SPEN: variants seen among roughly 807,000 people sequenced by gnomAD.
SPEN encodes the protein msx2-interacting protein.
A neutral mutation model predicts 269.9 loss-of-function variants in SPEN; 18 were observed. The observed-to-expected ratio is 0.07, with a 90% CI of 0.05 to 0.10. SPEN has a LOEUF of 0.10. Among genes scored for constraint, SPEN ranks in the 10% least tolerant of loss-of-function variants. The probability of loss-of-function intolerance (pLI) is 1.00; values close to 1 mark genes in which losing one functional copy is unlikely to be tolerated. For missense variants in SPEN, 3,822 were observed against 4,631.2 expected, an observed-to-expected ratio of 0.83 and a Z score of 5.07; for synonymous variants, 1,726 against 1,765.7, an observed-to-expected ratio of 0.98 and a Z score of 0.56.
chr1:15,930,970 A>C lies in SPEN; in HGVS notation c.4730A>C (p.Gln1577Pro). 1 of 1,614,198 alleles carries C rather than the reference A, an allele frequency of 6.2e-7. No individual in the cohort carries two copies. Among genetic ancestry groups the C allele is most frequent in the East Asian group, 2.2e-5 (1 of 44,886 alleles). Reference protein sequence around the residue: ...EGANSTTDSIQEPVVLFHSRF... With the variant: ...EGANSTTDSIPEPVVLFHSRF... Reference sequence around the variant, plus strand: ...GCAAACAGCACAACTGATTCCATTCAAGAACCAGTAGTTCTGTTCCATAGC... The same window carrying C: ...GCAAACAGCACAACTGATTCCATTCCAGAACCAGTAGTTCTGTTCCATAGC... Residue 1577 changes from glutamine (Q) to proline (P), a missense_variant, in exon 11 of 15, where the codon CAA becomes CCA. By Grantham distance (76) the Gln-to-Pro change is moderately conservative. Around this residue, in one of 16 missense-constraint regions of SPEN, gnomAD observed 533 missense variants for 618.8 expected, o/e 0.86. Transcript: ENST00000375759. This position sits in a 1 kb window ranked among gnomAD's most constrained non-coding sequence, Gnocchi z 5.3.
At position 15,933,897 on chromosome 1, in the gene SPEN, A is replaced by T. The variant is rs115746085; in HGVS notation, c.7657A>T (p.Ser2553Cys). 3 of 1,614,012 alleles carry T rather than the reference A, an allele frequency of 1.9e-6. No individual in the cohort carries two copies. The highest frequency in any genetic ancestry group is 1.6e-4 in the Middle Eastern group (1 of 6,062). Residue 2553 changes from serine to cysteine, a missense_variant, in exon 11 of 15, where the codon AGT becomes TGT. Transcript: ENST00000375759. This position sits in a 1 kb window ranked among gnomAD's most constrained non-coding sequence, Gnocchi z 5.7. ...GTCTGCCACAAGTGTCACTTCCACA[A>T]GTGTCACCACAGCCATTGCAGAGCC... ...YVSATSVTSTSVTTAIAEPVS... is the reference protein window; with the variant it reads ...YVSATSVTSTCVTTAIAEPVS...
intron 3 of SPEN, among the ~76,000 whole-genome samples, chr1:15,882,897 T>TG (rs2070700803): frequency 6.6e-6 from 1 of 152,072 alleles, no homozygotes; most frequent in South Asian, 2.1e-4. Context: ...ACAGCCCCCC[T>TG]GGGGCTCTTG....
chr1:15,848,713 G>A lies in SPEN; in HGVS notation c.83+563G>A, dbSNP rs2148698792. On this transcript the variant is annotated intron_variant, in intron 1 of 14. Transcript: ENST00000375759. The surrounding 1 kb of genome is among the most constrained non-coding windows in gnomAD (Gnocchi z 5.1). ...CGGAGAGACCATCTAGGACCTCTCC[G>A]GAGGATTTGCAGCCTTGAAACTCAC... Among the ~76,000 whole-genome samples, 1 of 152,334 alleles carries A rather than the reference G, an allele frequency of 6.6e-6. No individual in the cohort carries two copies. Among genetic ancestry groups the A allele is most frequent in the East Asian group, 1.9e-4 (1 of 5,180 alleles).
intron 3 of SPEN, among the ~76,000 whole-genome samples, chr1:15,889,778 A>G (rs912442161): frequency 1.3e-5 from 2 of 151,962 alleles, no homozygotes; most frequent in Admixed American, 6.6e-5. Flanking sequence ...CAATGGCGCC[A>G]TCTTGGCTCA....
rs776874386 is a variant in SPEN at position 15,938,003 on chromosome 1, G to A, written c.10701G>A (p.Met3567Ile). The A allele has an allele frequency of 1.2e-5, 20 of 1,600,984 alleles. No individual in the cohort carries two copies. The highest frequency in any genetic ancestry group is 1.7e-4 in the Middle Eastern group (1 of 6,024). ...ATQLEGVARR[M>I]TVETDYCLLL... ...AGCTGGAAGGGGTTGCCCGAAGGAT[G>A]ACGGTAAGACTCTCAGGCCCAGGTG... Residue 3567 changes from methionine (M) to isoleucine (I), a missense_variant, in exon 13 of 15, where the codon ATG (methionine) becomes ATA (isoleucine). Around this residue, in one of 16 missense-constraint regions of SPEN, gnomAD observed 103 missense variants for 215.8 expected, o/e 0.48. Coordinates refer to ENST00000375759, the MANE Select transcript of SPEN (RefSeq NM_015001.3).
At position 15,928,095 on chromosome 1, in the gene SPEN, G is replaced by A; in HGVS notation, c.1855G>A (p.Glu619Lys). The A allele has an allele frequency of 6.3e-7, 1 of 1,589,892 alleles. No homozygotes were observed. Among genetic ancestry groups the A allele is most frequent in the Non-Finnish European group, 8.6e-7 (1 of 1,165,024 alleles). ...ATCTTTGTTATTTTTTGGCAGAGAG[G>A]AACGAAGGGCATCCTACGACTATAA... ...FYEMLAERRE[E>K]RRASYDYNQD... The change falls in exon 11 of 15, where the codon GAA becomes AAA. Residue 619 changes from glutamate to lysine, a missense_variant. Glu to Lys is a moderately conservative substitution (Grantham distance 56, BLOSUM62 1). Around this residue, in one of 16 missense-constraint regions of SPEN, gnomAD observed 230 missense variants for 426.1 expected, o/e 0.54. Transcript: ENST00000375759. This position sits in a 1 kb window ranked among gnomAD's most constrained non-coding sequence, Gnocchi z 5.7.
intron 3 of SPEN, among the ~76,000 whole-genome samples, chr1:15,881,455 A>C (rs1409055452): frequency 6.6e-6 from 1 of 152,224 alleles, no homozygotes. Context: ...GAATCAGATT[A>C]TCCTGATGTG....
intron 3 of SPEN, 53 bp downstream of exon 3, chr1:15,876,731 C>T: frequency 1.5e-6 from 2 of 1,313,716 alleles, no homozygotes; most frequent in Admixed American, 3.7e-5. Flanking sequence ...AACAAATTCT[C>T]AACAATCAGT....
intron 3 of SPEN, among the ~76,000 whole-genome samples, chr1:15,908,142 T>A (rs1450036586): frequency 6.6e-6 from 1 of 152,142 alleles, no homozygotes; most frequent in African/African-American, 2.4e-5. Context: ...GGTATTGTTT[T>A]CCTAAAAATT....
rs1187887188 is a variant in SPEN at position 15,901,327 on chromosome 1, TA to T, written c.882-7987del. The stretch of plus-strand genomic sequence containing the variant: ...AGAGACTCTGTCTGGTAAAAAAAAA[TA>T]AAAAAATAAAAAATAAAAATAAAAA... On this transcript the variant is annotated intron_variant, in intron 3 of 14. Transcript: ENST00000375759. Among the ~76,000 whole-genome samples the T allele has an allele frequency of 2.8e-5, 4 of 143,736 alleles. No individual in the cohort carries two copies. In the East Asian group the frequency reaches 8.2e-4, roughly 29 times the overall value. 94.3% of individuals were successfully genotyped at this position (143,736 alleles called of 152,430 possible).
Position 15,859,905 on chromosome 1 carries a change from C to CTTTTTTTTTTTTTTTTT in SPEN, c.83+11763_83+11779dup, listed in dbSNP as rs34195453. Reference sequence around the variant, plus strand: ...AGTATAAAGAATGATCAGTTAACATCTTTTTTTTTTTTTTTTTTTTTTTTG... The same window carrying CTTTTTTTTTTTTTTTTT: ...AGTATAAAGAATGATCAGTTAACATCTTTTTTTTTTTTTTTTTTTTTTTTTTTTTTTTTTTTTTTTTG... On this transcript the variant is annotated intron_variant, in intron 1 of 14. Transcript: ENST00000375759. Among the ~76,000 whole-genome samples the CTTTTTTTTTTTTTTTTT allele has an allele frequency of 1.0e-4, 8 of 79,620 alleles. 3 individuals carry two copies. The highest frequency in any genetic ancestry group is 1.3e-4 in the Non-Finnish European group (6 of 46,536). The allele number at this position is 79,620 out of a possible 152,430, so 52.2% of individuals were successfully genotyped here.
chr1:15,885,587 C>T (rs1246797465), intron 3 of SPEN, among the ~76,000 whole-genome samples: 1 of 152,052 alleles, frequency 6.6e-6, no homozygotes, highest in Non-Finnish European at 1.5e-5. Context: ...AAAAAGTTAC[C>T]TACTTGGAAG....
At position 15,936,159 on chromosome 1, in the gene SPEN, C is replaced by T. The variant is rs745684921; in HGVS notation, c.9919C>T (p.Arg3307Trp). 1 of 1,610,074 alleles carries T rather than the reference C, an allele frequency of 6.2e-7. No individual in the cohort carries two copies. The highest frequency in any genetic ancestry group is 8.5e-7 in the Non-Finnish European group (1 of 1,177,098). ...HSSGELFQEY[R>W]YGDIRTYHPP... The stretch of plus-strand genomic sequence containing the variant: ...CAGCGGGGAGCTGTTTCAAGAGTAC[C>T]GGTACGGCGACATCCGCACCTACCA... The change falls in exon 11 of 15, where the codon CGG becomes TGG. Residue 3307 changes from arginine (R) to tryptophan (W), a missense_variant. Around this residue, in one of 16 missense-constraint regions of SPEN, gnomAD observed 359 missense variants for 377.3 expected, o/e 0.95. Coordinates refer to ENST00000375759, the MANE Select transcript of SPEN (RefSeq NM_015001.3).
intron 1 of SPEN, among the ~76,000 whole-genome samples, chr1:15,852,405 C>T (rs1220858208): frequency 6.6e-6 from 1 of 151,948 alleles, no homozygotes; most frequent in Non-Finnish European, 1.5e-5. Flanking sequence ...TCAGAGTTAT[C>T]TTAAAACATT....
intron 5 of SPEN, among the ~76,000 whole-genome samples, chr1:15,913,666 A>G (rs928965330): frequency 6.6e-6 from 1 of 151,752 alleles, no homozygotes; most frequent in African/African-American, 2.4e-5. Context: ...AGGCAGGAGG[A>G]TCGCTTGAGC....
chr1:15,851,344 A>G (rs1262441004), intron 1 of SPEN, among the ~76,000 whole-genome samples: 2 of 152,232 alleles, frequency 1.3e-5, no homozygotes, highest in African/African-American at 4.8e-5. Flanking sequence ...CGGATTTAAA[A>G]AAATTAAATG....
intron 5 of SPEN, among the ~76,000 whole-genome samples, chr1:15,914,410 G>A (rs1372850749): frequency 6.6e-6 from 1 of 152,226 alleles, no homozygotes; most frequent in Non-Finnish European, 1.5e-5. Context: ...AGAACACACA[G>A]TAGTTTCCTA....
At chr1:15,894,688 G>A (rs1400253463) in intron 3 of SPEN, among the ~76,000 whole-genome samples, 2 of 151,504 alleles carry the variant, frequency 1.3e-5, no homozygotes, top group Non-Finnish European at 2.9e-5. Flanking sequence ...TTACAGACAC[G>A]CGCCACCACA....
At chr1:15,908,874 C>T (rs1377254910) in intron 3 of SPEN, among the ~76,000 whole-genome samples, 1 of 152,118 alleles carries the variant, frequency 6.6e-6, no homozygotes, top group Non-Finnish European at 1.5e-5. Flanking sequence ...CATGTGGTAA[C>T]TTTAGGCATA....
Sources: allele counts gnomAD v4.1 joint callset (sites outside exome capture counted in the v4.1 genomes callset), GRCh38; gene constraint gnomAD v4.1.1; regional missense constraint gnomAD v4.1.1; non-coding constraint Gnocchi (gnomAD v3.1); transcripts MANE v1.5; gene names NCBI Gene and HGNC (gene_info 2026-07-23, HGNC 2026-07-21).